Variants in CNTN5 observed in about 807,000 individuals in gnomAD.
The protein encoded by CNTN5 is contactin-5.
CNTN5 carries 77 observed loss-of-function variants against 129.1 expected under a neutral mutation model. The observed-to-expected ratio is 0.60, with a 90% CI of 0.50 to 0.72. The LOEUF is 0.72. CNTN5 is among the 30% of genes least tolerant of loss of function. CNTN5 has a pLI of 0.00. For synonymous variants in CNTN5, 509 were observed against 465.6 expected (o/e 1.09, Z -1.20); for missense variants, 1,478 against 1,328.8 (o/e 1.11, Z -1.75).
intron 1 of CNTN5, among the ~76,000 whole-genome samples, chr11:99,227,268 G>A (rs527724897): frequency 6.6e-6 from 1 of 151,774 alleles, no homozygotes; most frequent in Non-Finnish European, 1.5e-5. Flanking sequence ...GCTGAAGCAG[G>A]AGAATCACTT....
chr11:100,067,200 T>C (rs1258381857), intron 10 of CNTN5, among the ~76,000 whole-genome samples: 1 of 152,108 alleles, frequency 6.6e-6, no homozygotes, highest in Non-Finnish European at 1.5e-5. Context: ...AGCCTTAATG[T>C]TAATTAATGT....
intron 19 of CNTN5, among the ~76,000 whole-genome samples, chr11:100,298,182 T>C (rs949395149): frequency 1.1e-4 from 17 of 151,456 alleles, no homozygotes; most frequent in African/African-American, 4.1e-4. Flanking sequence ...TGGAAATGCC[T>C]GTTAGAGTAA....
At chr11:99,517,393 C>T (rs1464970430) in intron 2 of CNTN5, among the ~76,000 whole-genome samples, 1 of 152,058 alleles carries the variant, frequency 6.6e-6, no homozygotes, top group Non-Finnish European at 1.5e-5. Context: ...TCACATGACT[C>T]CTTTCCTTAA....
At chr11:99,772,969 G>A (rs1944996085) in intron 3 of CNTN5, among the ~76,000 whole-genome samples, 1 of 152,052 alleles carries the variant, frequency 6.6e-6, no homozygotes, top group Middle Eastern at 3.4e-3. Context: ...TAAATAAGCA[G>A]CCACATAGAG....
intron 13 of CNTN5, among the ~76,000 whole-genome samples, chr11:100,174,908 G>A (rs887539396): frequency 2.6e-5 from 4 of 152,042 alleles, no homozygotes; most frequent in African/African-American, 9.7e-5. Context: ...GTCTCTCTGG[G>A]TCACCTCACT....
Position 100,132,239 on chromosome 11 carries a change from G to A in CNTN5, c.1580+57945G>A, listed in dbSNP as rs527851555. On this transcript the variant is annotated intron_variant, in intron 13 of 24. Coordinates refer to ENST00000524871, the MANE Select transcript of CNTN5 (RefSeq NM_014361.4). ...AGGTTTCTAATACTTATTTGACCAT[G>A]AGTTATTTACCTATCTCCTGGGGCA... 9.2e-5 allele frequency among the ~76,000 whole-genome samples: 14 copies of A among 152,196 alleles called. No individual in the cohort carries two copies. In the South Asian group the frequency reaches 1.9e-3, roughly 20 times the overall value.
At chr11:100,074,980 T>C (rs1172260933) in intron 13 of CNTN5, among the ~76,000 whole-genome samples, 1 of 152,150 alleles carries the variant, frequency 6.6e-6, no homozygotes, top group Non-Finnish European at 1.5e-5. Flanking sequence ...GTATTACAAA[T>C]GGTGATTCAA....
chr11:99,783,073 A>C (rs1447818004), intron 3 of CNTN5, among the ~76,000 whole-genome samples: 1 of 139,856 alleles, frequency 7.2e-6, no homozygotes, highest in Non-Finnish European at 1.5e-5. Context: ...CAACCTACTC[A>C]TCTGACAAAG....
intron 2 of CNTN5, among the ~76,000 whole-genome samples, chr11:99,338,569 G>A (rs1244165723): frequency 6.6e-6 from 1 of 152,016 alleles, no homozygotes; most frequent in East Asian, 1.9e-4. Flanking sequence ...GAACCAGGGT[G>A]TGTATTTATT....
rs141099081 is a variant in CNTN5, at chr11:99,747,614, C to T, written c.56-71930C>T. ...CCTCTCGAGTAGGTGGGACTACAGGCGCCTGCTACCATGCCTGGCTAACTT... is the reference window on the plus strand; with the variant it reads ...CCTCTCGAGTAGGTGGGACTACAGGTGCCTGCTACCATGCCTGGCTAACTT... On this transcript the variant is annotated intron_variant, in intron 3 of 24. Transcript: ENST00000524871. Among the ~76,000 whole-genome samples the T allele has an allele frequency of 6.8e-3, 1,035 of 152,018 alleles. 17 individuals carry two copies. The highest frequency in any genetic ancestry group is 0.023 in the African/African-American group (966 of 41,452).
chr11:99,164,839 C>T (rs79511070), intron 1 of CNTN5, among the ~76,000 whole-genome samples: 13,112 of 152,112 alleles, frequency 0.086, 614 homozygotes, highest in African/African-American at 0.11. Flanking sequence ...GTTTGGTACA[C>T]ATGTTGTGTA....
intron 15 of CNTN5, among the ~76,000 whole-genome samples, chr11:100,223,276 T>G (rs915635956): frequency 6.6e-6 from 1 of 151,880 alleles, no homozygotes; most frequent in African/African-American, 2.4e-5. Context: ...TTCAATACCC[T>G]CAGAAGTTCA....
chr11:100,234,400 C>G (rs1949559258), intron 16 of CNTN5, among the ~76,000 whole-genome samples: 1 of 152,206 alleles, frequency 6.6e-6, no homozygotes. Flanking sequence ...AACCCAAATG[C>G]CCATCGATGA....
chr11:99,475,356 C>A (rs986964373), intron 2 of CNTN5, among the ~76,000 whole-genome samples: 1 of 152,234 alleles, frequency 6.6e-6, no homozygotes, highest in Middle Eastern at 3.4e-3. Context: ...TAGAACTGTA[C>A]AAAATAAATC....
chr11:99,150,839 T>C (rs1860016938), intron 1 of CNTN5, among the ~76,000 whole-genome samples: 1 of 152,100 alleles, frequency 6.6e-6, no homozygotes, highest in African/African-American at 2.4e-5. Flanking sequence ...AGCCTAGTCA[T>C]GTAGAAGAAA....
chr11:99,850,075 G>A (rs1260184338), intron 6 of CNTN5, among the ~76,000 whole-genome samples: 1 of 151,616 alleles, frequency 6.6e-6, no homozygotes, highest in Non-Finnish European at 1.5e-5. Flanking sequence ...TCTTCTCATT[G>A]TTCAGATTTA....
chr11:99,344,332 GA>G (rs1280342669), intron 2 of CNTN5, among the ~76,000 whole-genome samples: 1 of 151,482 alleles, frequency 6.6e-6, no homozygotes, highest in Non-Finnish European at 1.5e-5. Flanking sequence ...AAAAGAATAG[GA>G]AAAAAATTGA....
chr11:99,688,976 A>C (rs1015348590), intron 3 of CNTN5, among the ~76,000 whole-genome samples: 3 of 152,102 alleles, frequency 2.0e-5, no homozygotes, highest in African/African-American at 7.2e-5. Flanking sequence ...CATGGTATAT[A>C]TGTACCATAT....
chr11:99,854,317 A>C (rs145028032), intron 6 of CNTN5, among the ~76,000 whole-genome samples: 1 of 152,226 alleles, frequency 6.6e-6, no homozygotes. Context: ...GATGGCTTAC[A>C]TTAATTGCAT....
Sources: allele counts gnomAD v4.1 joint callset (sites outside exome capture counted in the v4.1 genomes callset), GRCh38; gene constraint gnomAD v4.1.1; transcripts MANE v1.5; gene names NCBI Gene and HGNC (gene_info 2026-07-23, HGNC 2026-07-21).